The following IFNGR1 variants were observed in gnomAD, a reference collection of about 807,000 sequenced individuals.
IFNGR1 encodes the protein interferon gamma receptor 1.
A neutral mutation model predicts 35.4 loss-of-function variants in IFNGR1; 23 were observed. The observed-to-expected ratio is 0.65, with a 90% CI of 0.47 to 0.92. IFNGR1 has a LOEUF of 0.92. Ranked by LOEUF, IFNGR1 falls within the 40% of genes least tolerant of loss-of-function variation. The probability of loss-of-function intolerance (pLI) is 0.00; values close to 1 mark genes in which losing one functional copy is unlikely to be tolerated. For synonymous variants in IFNGR1, 199 were observed against 209.5 expected (o/e 0.95, Z 0.43); for missense variants, 533 against 583.4 (o/e 0.91, Z 0.89).
intron 6 of IFNGR1, among the ~76,000 whole-genome samples, chr6:137,199,543 T>TTA (rs1779221964): frequency 2.5e-3 from 30 of 11,874 alleles, no homozygotes; most frequent in East Asian, 5.3e-3. Context: ...ATAATATATA[T>TTA]TATATAACAT....
Position 137,198,017 on chromosome 6 carries a change from C to G in IFNGR1, c.*14G>C. 1.2e-6 allele frequency: 2 copies of G among 1,613,792 alleles called. No homozygotes were observed. Among genetic ancestry groups the G allele is most frequent in the South Asian group, 2.2e-5 (2 of 90,938 alleles). On this transcript the variant is annotated 3_prime_UTR_variant, in exon 7 of 7. Transcript: ENST00000367739. Reference sequence around the variant, plus strand: ...GGAAAATCAGACTTCAAAGTTGGTGCAACTTAGCTGATCTCATGAAAATTC... The same window carrying G: ...GGAAAATCAGACTTCAAAGTTGGTGGAACTTAGCTGATCTCATGAAAATTC...
intron 1 of IFNGR1, among the ~76,000 whole-genome samples, chr6:137,217,465 G>A (rs1779730212): frequency 6.6e-6 from 1 of 152,196 alleles, no homozygotes; most frequent in African/African-American, 2.4e-5. Context: ...TCCTTCCCAT[G>A]CAAGCTGGCA....
intron 3 of IFNGR1, 23 bp downstream of exon 3, chr6:137,206,113 A>T: frequency 6.3e-7 from 1 of 1,591,222 alleles, no homozygotes; most frequent in Non-Finnish European, 8.6e-7. Flanking sequence ...TTTAAAATTT[A>T]CATGTGTACA....
At chr6:137,203,454 G>C (rs1266902687) in intron 5 of IFNGR1, 45 bp downstream of exon 5, 2 of 989,344 alleles carry the variant, frequency 2.0e-6, no homozygotes, top group Non-Finnish European at 1.6e-6. Flanking sequence ...TCCTATTTTA[G>C]TTACTGCTCC....
chr6:137,217,635 G>A (rs1779736748), intron 1 of IFNGR1, among the ~76,000 whole-genome samples: 1 of 152,190 alleles, frequency 6.6e-6, no homozygotes, highest in Admixed American at 6.5e-5. Context: ...GAGAGTCCTA[G>A]CAGTTTGGGT....
intron 1 of IFNGR1, among the ~76,000 whole-genome samples, chr6:137,208,217 G>C (rs1476148126): frequency 1.3e-5 from 2 of 152,186 alleles, no homozygotes; most frequent in African/African-American, 4.8e-5. Context: ...TGCTGTTAAA[G>C]GCATTCAGTT....
intron 1 of IFNGR1, chr6:137,218,775 C>T (rs1562292146): frequency 2.9e-6 from 1 of 349,744 alleles, no homozygotes; most frequent in South Asian, 2.2e-5. Flanking sequence ...CCAGATGACA[C>T]AGCCTACTGC....
chr6:137,199,384 T>TA (rs1779187044), intron 6 of IFNGR1, among the ~76,000 whole-genome samples: 1 of 128,194 alleles, frequency 7.8e-6, no homozygotes, highest in African/African-American at 2.9e-5. Flanking sequence ...ATATAATTTA[T>TA]ATTACATAAA....
intron 6 of IFNGR1, among the ~76,000 whole-genome samples, chr6:137,199,499 A>ATATATAATATATTATATATTATATAT (rs1779200301): frequency 5.9e-4 from 13 of 21,932 alleles, no homozygotes; most frequent in African/African-American, 2.4e-3. Flanking sequence ...ATATTATATA[A>ATATATAATATATTATATATTATATAT]AATATATAAT....
chr6:137,213,404 T>C (rs1779619234), intron 1 of IFNGR1, among the ~76,000 whole-genome samples: 1 of 152,220 alleles, frequency 6.6e-6, no homozygotes. Context: ...ACTTTAGCTA[T>C]TTTAAGATCT....
Position 137,218,448 on chromosome 6 carries a change from T to G in IFNGR1, c.85+795A>C, listed in dbSNP as rs1562291968. 3 of 1,271,466 alleles carry G rather than the reference T, an allele frequency of 2.4e-6. No homozygotes were observed. In the Admixed American group the frequency reaches 6.9e-5, roughly 29 times the overall value. 78.8% of individuals were successfully genotyped at this position (1,271,466 alleles called of 1,614,324 possible). The stretch of plus-strand genomic sequence containing the variant: ...AAGAACAAACCCGTACGAAGAGACC[T>G]ACTGCCAAATCTGCTAGTGAGTGCC... On this transcript the variant is annotated intron_variant, in intron 1 of 6. Coordinates refer to ENST00000367739, the MANE Select transcript of IFNGR1 (RefSeq NM_000416.3).
chr6:137,199,855 GTTAAATA>G (rs1449890025), intron 6 of IFNGR1, among the ~76,000 whole-genome samples: 3 of 151,538 alleles, frequency 2.0e-5, no homozygotes, highest in Non-Finnish European at 4.4e-5. Context: ...TATGGAACAT[GTTAAATA>G]TCCTGTACAT....
chr6:137,199,414 T>A (rs1335943890), intron 6 of IFNGR1, among the ~76,000 whole-genome samples: 4 of 121,168 alleles, frequency 3.3e-5, no homozygotes, highest in South Asian at 4.5e-4. Context: ...TTATAATATA[T>A]TATATAAACA....
chr6:137,214,433 G>C (rs1262967424), intron 1 of IFNGR1, among the ~76,000 whole-genome samples: 1 of 152,168 alleles, frequency 6.6e-6, no homozygotes, highest in Non-Finnish European at 1.5e-5. Context: ...CAGACATTTT[G>C]ATAATTCTTG....
rs1562281847 is a variant in IFNGR1, at chr6:137,197,818, CTTTT to C, written c.*209_*212del. 1 of 541,858 alleles carries C rather than the reference CTTTT, an allele frequency of 1.8e-6. No individual in the cohort carries two copies. Among genetic ancestry groups the C allele is most frequent in the South Asian group, 2.1e-5 (1 of 48,030 alleles). The allele number at this position is 541,858 out of a possible 1,614,324, so 33.6% of individuals were successfully genotyped here. ...ATGTAAAGGTTCATAAGTTACAATG[CTTTT>C]TTTGTTTAAAAAAAAAAAAAAGTCT... On this transcript the variant is annotated 3_prime_UTR_variant, in exon 7 of 7. Coordinates refer to ENST00000367739, the MANE Select transcript of IFNGR1 (RefSeq NM_000416.3).
chr6:137,211,718 G>T (rs528599256), intron 1 of IFNGR1, among the ~76,000 whole-genome samples: 30 of 152,054 alleles, frequency 2.0e-4, no homozygotes, highest in African/African-American at 7.2e-4. Context: ...TCCTTAAGAG[G>T]GTCTTTTTTC....
chr6:137,207,529 T>G (rs1261835440), intron 1 of IFNGR1, among the ~76,000 whole-genome samples: 1 of 152,156 alleles, frequency 6.6e-6, no homozygotes, highest in African/African-American at 2.4e-5. Context: ...GTGTTGTGGC[T>G]TGGACCCAGG....
chr6:137,212,097 C>T (rs1779588179), intron 1 of IFNGR1, among the ~76,000 whole-genome samples: 1 of 152,178 alleles, frequency 6.6e-6, no homozygotes, highest in South Asian at 2.1e-4. Context: ...TTTCAGCACT[C>T]TGGTTAGAAA....
intron 1 of IFNGR1, among the ~76,000 whole-genome samples, chr6:137,207,857 T>A (rs547514296): frequency 6.6e-6 from 1 of 152,156 alleles, no homozygotes; most frequent in African/African-American, 2.4e-5. Flanking sequence ...TACAAGAAAA[T>A]GTGGAAGCAA....
Sources: allele counts gnomAD v4.1 joint callset (sites outside exome capture counted in the v4.1 genomes callset), GRCh38; gene constraint gnomAD v4.1.1; transcripts MANE v1.5; gene names NCBI Gene and HGNC (gene_info 2026-07-23, HGNC 2026-07-21).